The following OXR1 variants were observed in gnomAD, a reference collection of about 807,000 sequenced individuals.
The protein encoded by OXR1 is oxidation resistance protein 1.
Under a neutral mutation model 104.6 loss-of-function variants are expected in OXR1, and 41 were observed. The ratio of observed to expected loss-of-function variants is 0.39; its 90% CI spans 0.31 to 0.51. The LOEUF (loss-of-function observed/expected upper bound fraction) is 0.51, where lower values mean the gene tolerates loss of function less well. Ranked by LOEUF, OXR1 falls within the 20% of genes least tolerant of loss-of-function variation. OXR1 has a pLI of 0.77. For synonymous variants in OXR1, 348 were observed against 348.4 expected, an observed-to-expected ratio of 1.00 and a Z score of 0.01; for missense variants, 955 against 1,031.9, an observed-to-expected ratio of 0.93 and a Z score of 1.02.
chr8:106,518,954 A>C lies in OXR1; in HGVS notation c.35A>C (p.Lys12Thr). 1 of 1,549,796 alleles carries C rather than the reference A, an allele frequency of 6.5e-7. No individual in the cohort carries two copies. Among genetic ancestry groups the C allele is most frequent in the Non-Finnish European group, 8.7e-7 (1 of 1,145,766 alleles). The change falls in exon 3 of 17, where the codon AAG becomes ACG. Residue 12 changes from lysine (K) to threonine (T), a missense_variant. This residue lies in a region of OXR1 where 849 missense variants were observed against 852.9 expected (regional missense o/e 1.00). Transcript: ENST00000517566. ...TTCTTTACTTGTAGGCTGAAGAAAA[A>C]GTCCCAGTCGGTGGATATTAATGCT... is the stretch of plus-strand genomic sequence containing the variant. ...SVSNLSWLKKKSQSVDINAPG... is the reference protein window; with the variant it reads ...SVSNLSWLKKTSQSVDINAPG...
intron 1 of OXR1, among the ~76,000 whole-genome samples, chr8:106,330,699 A>G (rs1183348720): frequency 6.6e-6 from 1 of 152,184 alleles, no homozygotes; most frequent in Non-Finnish European, 1.5e-5. Flanking sequence ...CGGAGAAAAC[A>G]AACATGACCC....
intron 1 of OXR1, among the ~76,000 whole-genome samples, chr8:106,284,782 A>C (rs796309960): frequency 2.6e-5 from 4 of 150,962 alleles, no homozygotes; most frequent in African/African-American, 9.9e-5. Context: ...CATTATAAAA[A>C]GCTATTAACA....
chr8:106,598,381 C>G (rs561456057), intron 3 of OXR1, among the ~76,000 whole-genome samples: 3 of 152,314 alleles, frequency 2.0e-5, no homozygotes, highest in African/African-American at 7.2e-5. Flanking sequence ...TATCACAGCT[C>G]TATCACTACA....
At chr8:106,273,630 A>C (rs1325358715) in intron 1 of OXR1, among the ~76,000 whole-genome samples, 1 of 152,248 alleles carries the variant, frequency 6.6e-6, no homozygotes, top group Non-Finnish European at 1.5e-5. Flanking sequence ...CATTAAAAGC[A>C]ACCCCTTTTA....
chr8:106,719,300 G>A (rs1245264311), intron 11 of OXR1, among the ~76,000 whole-genome samples: 1 of 152,156 alleles, frequency 6.6e-6, no homozygotes, highest in Non-Finnish European at 1.5e-5. Context: ...AATGCCTATT[G>A]ACATCTGCTA....
rs565933191 is a variant in OXR1 at position 106,389,794 on chromosome 8, G to A, written c.23+30158G>A. ...AATTTATCCATCATGGGCTGAGTGC[G>A]GTGGCTCATGCCTGTAATTCTAGCA... On this transcript the variant is annotated intron_variant, in intron 2 of 16. Coordinates refer to ENST00000517566, the MANE Select transcript of OXR1 (RefSeq NM_001198533.2). 1.0e-3 allele frequency among the ~76,000 whole-genome samples: 159 copies of A among 152,236 alleles called. 1 individual carries two copies. Among genetic ancestry groups the A allele is most frequent in the Non-Finnish European group, 1.7e-3 (117 of 68,020 alleles).
intron 1 of OXR1, among the ~76,000 whole-genome samples, chr8:106,318,804 C>A (rs551561055): frequency 5.9e-5 from 9 of 152,194 alleles, no homozygotes; most frequent in Non-Finnish European, 7.4e-5. Flanking sequence ...AGTGCAGATA[C>A]AGTGTTATTT....
At chr8:106,668,412 G>A (rs982111288) in intron 3 of OXR1, among the ~76,000 whole-genome samples, 8 of 152,178 alleles carry the variant, frequency 5.3e-5, no homozygotes, top group African/African-American at 1.4e-4. Context: ...TTAACTAAGA[G>A]TAGAAATGGG....
At chr8:106,546,433 A>C (rs900932067) in intron 3 of OXR1, among the ~76,000 whole-genome samples, 1 of 152,204 alleles carries the variant, frequency 6.6e-6, no homozygotes, top group African/African-American at 2.4e-5. Flanking sequence ...ATATATGTAA[A>C]CCAACATGTG....
chr8:106,669,202 A>C (rs914040429), intron 3 of OXR1, among the ~76,000 whole-genome samples: 1 of 151,862 alleles, frequency 6.6e-6, no homozygotes, highest in Non-Finnish European at 1.5e-5. Flanking sequence ...AGATCAGATA[A>C]AAAAAAAGTG....
At chr8:106,592,076 A>G (rs146982863) in intron 3 of OXR1, among the ~76,000 whole-genome samples, 1,887 of 152,312 alleles carry the variant, frequency 0.012, 39 homozygotes, top group African/African-American at 0.042. Context: ...CCTGAAAGTG[A>G]TCTGGATGAC....
intron 6 of OXR1, among the ~76,000 whole-genome samples, chr8:106,685,129 A>G (rs951633454): frequency 2.0e-5 from 3 of 152,182 alleles, no homozygotes; most frequent in Admixed American, 2.0e-4. Context: ...TTTAGAATGC[A>G]GTCACATGAA....
chr8:106,277,205 T>C (rs1016157681), intron 1 of OXR1, among the ~76,000 whole-genome samples: 3 of 152,212 alleles, frequency 2.0e-5, no homozygotes, highest in Admixed American at 6.5e-5. Context: ...CCAGAACAGA[T>C]GGAAACTTTG....
intron 2 of OXR1, chr8:106,447,794 G>A (rs1820075507): frequency 1.1e-6 from 1 of 915,588 alleles, no homozygotes; most frequent in Non-Finnish European, 1.5e-6. Context: ...TGTACACACC[G>A]AACGGCATAT....
intron 3 of OXR1, among the ~76,000 whole-genome samples, chr8:106,605,431 C>T (rs1296258153): frequency 6.6e-6 from 1 of 152,074 alleles, no homozygotes; most frequent in Non-Finnish European, 1.5e-5. Flanking sequence ...GAGCCAACCA[C>T]ATTCTGTAGG....
intron 3 of OXR1, among the ~76,000 whole-genome samples, chr8:106,575,985 A>AACACACACACACACAC (rs35038334): frequency 1.7e-4 from 24 of 144,294 alleles, no homozygotes; most frequent in Non-Finnish European, 2.9e-4. Context: ...AAATGTTTAT[A>AACACACACACACACAC]ACACACACAC....
At chr8:106,544,109 C>G (rs576919574) in intron 3 of OXR1, among the ~76,000 whole-genome samples, 37 of 152,166 alleles carry the variant, frequency 2.4e-4, no homozygotes, top group African/African-American at 7.0e-4. Flanking sequence ...TCCCAAAGCA[C>G]TGGCCTGAGT....
At chr8:106,512,582 CT>C (rs144639854) in intron 2 of OXR1, among the ~76,000 whole-genome samples, 3,608 of 152,112 alleles carry the variant, frequency 0.024, 152 homozygotes, top group African/African-American at 0.083. Context: ...AATAAAAACA[CT>C]TTTTTATGCG....
At chr8:106,557,801 A>G (rs1308157911) in intron 3 of OXR1, among the ~76,000 whole-genome samples, 1 of 152,242 alleles carries the variant, frequency 6.6e-6, no homozygotes, top group African/African-American at 2.4e-5. Context: ...TGTTGGTAAC[A>G]GAATTTTTCT....
Sources: allele counts gnomAD v4.1 joint callset (sites outside exome capture counted in the v4.1 genomes callset), GRCh38; gene constraint gnomAD v4.1.1; regional missense constraint gnomAD v4.1.1; transcripts MANE v1.5; gene names NCBI Gene and HGNC (gene_info 2026-07-23, HGNC 2026-07-21).